CASZ1: variants seen among roughly 807,000 people sequenced by gnomAD.
The protein encoded by CASZ1 is zinc finger protein castor homolog 1.
In CASZ1, 28 loss-of-function variants were observed where a neutral mutation model predicts 135.2. The observed-to-expected ratio is 0.21, with a 90% CI of 0.15 to 0.28. The LOEUF is 0.28. Among genes scored for constraint, CASZ1 ranks in the 10% least tolerant of loss-of-function variants. CASZ1 has a pLI of 1.00. For synonymous variants in CASZ1, 1,068 were observed against 1,073.4 expected, an observed-to-expected ratio of 0.99 and a Z score of 0.10; for missense variants, 2,161 against 2,453.3, an observed-to-expected ratio of 0.88 and a Z score of 2.52.
In CASZ1 at chr1:10,649,244, C is replaced by T. The variant is rs375927589; in HGVS notation, c.3035+39G>A. On this transcript the variant is annotated intron_variant, in intron 14 of 20. Transcript: ENST00000377022. Reference sequence around the variant, plus strand: ...AGAGCCTGGGGCTCCAGGGCGGGTGCGGGGGGACGATGGGTGGACGCGGCC... The same window carrying T: ...AGAGCCTGGGGCTCCAGGGCGGGTGTGGGGGGACGATGGGTGGACGCGGCC... 1.5e-4 allele frequency: 246 copies of T among 1,607,344 alleles called. No homozygotes were observed. In the African/African-American group the frequency reaches 2.8e-3, roughly 18 times the overall value.
intron 1 of CASZ1, among the ~76,000 whole-genome samples, chr1:10,769,633 C>T (rs1407029187): frequency 1.3e-5 from 2 of 152,144 alleles, no homozygotes; most frequent in Admixed American, 6.5e-5. Context: ...TCTCCTGCCT[C>T]TGCCTCCCGA....
intron 2 of CASZ1, among the ~76,000 whole-genome samples, chr1:10,748,385 C>A (rs553004415): frequency 6.6e-6 from 1 of 152,322 alleles, no homozygotes; most frequent in South Asian, 2.1e-4. Context: ...AGGAGTGGGC[C>A]TAACAGTGAC....
rs77101808 is a variant in CASZ1 at position 10,769,464 on chromosome 1, T to A, written c.-233-8607A>T. Among the ~76,000 whole-genome samples, 810 of 152,326 alleles carry A rather than the reference T, an allele frequency of 5.3e-3. 10 individuals carry two copies. Among genetic ancestry groups the A allele is most frequent in the African/African-American group, 0.019 (784 of 41,554 alleles). ...CATCAGTGTAAAAAAGTTAAATGTC[T>A]ATTATCCCAAGATAGTGGGAATAGT... is the stretch of plus-strand genomic sequence containing the variant. On this transcript the variant is annotated intron_variant, in intron 1 of 20. Coordinates refer to ENST00000377022, the MANE Select transcript of CASZ1 (RefSeq NM_001079843.3).
At position 10,672,893 on chromosome 1, in the gene CASZ1, T is replaced by C. The variant is rs568117870; in HGVS notation, c.17-7322A>G. Among the ~76,000 whole-genome samples the C allele has an allele frequency of 1.1e-4, 16 of 152,354 alleles. No individual in the cohort carries two copies. The South Asian group carries it at 3.3e-3, about 32-fold the overall frequency. On this transcript the variant is annotated intron_variant, in intron 4 of 20. Coordinates refer to ENST00000377022, the MANE Select transcript of CASZ1 (RefSeq NM_001079843.3). ...CCACGTCCGCCTCCTTTGGCCTTAATATTTAATTTTGCGATTTGGGGCATT... is the reference window on the plus strand; with the variant it reads ...CCACGTCCGCCTCCTTTGGCCTTAACATTTAATTTTGCGATTTGGGGCATT...
intron 1 of CASZ1, among the ~76,000 whole-genome samples, chr1:10,761,555 G>A (rs1419780917): frequency 4.6e-5 from 7 of 152,128 alleles, no homozygotes; most frequent in African/African-American, 1.7e-4. Flanking sequence ...AAAAAAAAAA[G>A]TAGCCAAAGA....
chr1:10,786,863 AATG>A (rs935701899), intron 1 of CASZ1, among the ~76,000 whole-genome samples: 65 of 151,836 alleles, frequency 4.3e-4, no homozygotes, highest in African/African-American at 1.5e-3. Flanking sequence ...CCAAGTTCCC[AATG>A]ATAACAGAAC....
Position 10,701,378 on chromosome 1 carries a change from T to G in CASZ1, c.-24+4114A>C, listed in dbSNP as rs991973572. On this transcript the variant is annotated intron_variant, in intron 3 of 20. Coordinates refer to ENST00000377022, the MANE Select transcript of CASZ1 (RefSeq NM_001079843.3). This position sits in a 1 kb window ranked among gnomAD's most constrained non-coding sequence, Gnocchi z 6.3. ...AGTTACAGGGTTATTTAGCTTCTCC[T>G]GATGCTGACAATCACAAACTTTAAT... Among the ~76,000 whole-genome samples the G allele has an allele frequency of 6.6e-6, 1 of 152,220 alleles. No individual in the cohort carries two copies. The highest frequency in any genetic ancestry group is 1.5e-5 in the Non-Finnish European group (1 of 68,034).
intron 2 of CASZ1, among the ~76,000 whole-genome samples, chr1:10,743,865 G>GGA (rs987639632): frequency 2.0e-5 from 3 of 146,648 alleles, no homozygotes; most frequent in South Asian, 2.3e-4. Flanking sequence ...AGGGAGGGAG[G>GGA]GAGAGAGAGA....
intron 4 of CASZ1, among the ~76,000 whole-genome samples, chr1:10,671,708 C>T (rs1322491880): frequency 6.6e-6 from 1 of 152,214 alleles, no homozygotes; most frequent in African/African-American, 2.4e-5. Flanking sequence ...AGGCTGTAAG[C>T]TGTGGGCCAC....
At chr1:10,729,851 T>C (rs1240917550) in intron 2 of CASZ1, among the ~76,000 whole-genome samples, 1 of 152,220 alleles carries the variant, frequency 6.6e-6, no homozygotes, top group Non-Finnish European at 1.5e-5. Context: ...AGTCTCGCTC[T>C]GTCGCCCAGG....
At position 10,638,936 on chromosome 1, in the gene CASZ1, G is replaced by A. The variant is rs1252241417; in HGVS notation, c.*6C>T. The A allele has an allele frequency of 1.0e-6, 1 of 980,626 alleles. No individual in the cohort carries two copies. Among genetic ancestry groups the A allele is most frequent in the East Asian group, 1.1e-4 (1 of 8,708 alleles). The allele number at this position is 980,626 out of a possible 1,614,324, so 60.7% of individuals were successfully genotyped here. ...AGGCCGCCGCCAGGGCCACCCGCGG[G>A]CGCCGCTAGGGCGAGGAGGCTGCAG... On this transcript the variant is annotated 3_prime_UTR_variant, in exon 21 of 21. Transcript: ENST00000377022. This position sits in a 1 kb window ranked among gnomAD's most constrained non-coding sequence, Gnocchi z 5.9.
At chr1:10,691,559 G>A (rs1051932961) in intron 4 of CASZ1, among the ~76,000 whole-genome samples, 2 of 152,266 alleles carry the variant, frequency 1.3e-5, no homozygotes, top group African/African-American at 4.8e-5. Context: ...ATGTCAGAGA[G>A]GCCCTCGGCT....
chr1:10,786,751 C>G, intron 1 of CASZ1, among the ~76,000 whole-genome samples: 1 of 152,228 alleles, frequency 6.6e-6, no homozygotes, highest in Non-Finnish European at 1.5e-5. Context: ...TACAGCTCCT[C>G]AAATGAACCT....
intron 7 of CASZ1, 161 bp downstream of exon 7, chr1:10,658,347 G>C: frequency 1.6e-6 from 1 of 635,104 alleles, no homozygotes; most frequent in Non-Finnish European, 2.9e-6. Context: ...CGGGCGTGCA[G>C]GGCAGCCCTC....
rs369091806 is a variant in CASZ1 at position 10,665,409 on chromosome 1, T to C, written c.179A>G (p.Gln60Arg). 3.7e-6 allele frequency: 6 copies of C among 1,612,712 alleles called. No homozygotes were observed. In the African/African-American group the frequency reaches 4.0e-5, roughly 11 times the overall value. The change falls in exon 5 of 21, where the codon CAG becomes CGG. Residue 60 changes from glutamine (Q) to arginine (R), a missense_variant. Coordinates refer to ENST00000377022, the MANE Select transcript of CASZ1 (RefSeq NM_001079843.3). ...AGSHTEGSPS[Q>R]PRDQERSGPE... Reference sequence around the variant, plus strand: ...GCCACTGCGCTCTTGGTCCCGGGGCTGCGATGGGCTGCCCTCCGTGTGGGA... The same window carrying C: ...GCCACTGCGCTCTTGGTCCCGGGGCCGCGATGGGCTGCCCTCCGTGTGGGA...
rs748543194 is a variant in CASZ1, at chr1:10,792,326, CG to C, written c.-234+4237del. Among the ~76,000 whole-genome samples, 325 of 21,702 alleles carry C rather than the reference CG, an allele frequency of 0.015. 68 individuals carry two copies. In the East Asian group the frequency reaches 0.24, roughly 16 times the overall value. The allele number at this position is 21,702 out of a possible 152,430, so 14.2% of individuals were successfully genotyped here. On this transcript the variant is annotated intron_variant, in intron 1 of 20. Transcript: ENST00000377022. ...CTGTACATGGCTTACCCCTCCCCCC[CG>C]CCCCCCCCCCCCCGGCCCCGCACAC...
In CASZ1 at chr1:10,686,140, C is replaced by T. The variant is rs191597032; in HGVS notation, c.16+7734G>A. On this transcript the variant is annotated intron_variant, in intron 4 of 20. Coordinates refer to ENST00000377022, the MANE Select transcript of CASZ1 (RefSeq NM_001079843.3). ...CCCACCCAGCACGGGGGCCTGTGGGCGCCTGGCCGTCCTCTCCTCTCCTTA... is the reference window on the plus strand; with the variant it reads ...CCCACCCAGCACGGGGGCCTGTGGGTGCCTGGCCGTCCTCTCCTCTCCTTA... Among the ~76,000 whole-genome samples, 952 of 151,182 alleles carry T rather than the reference C, an allele frequency of 6.3e-3. 19 individuals carry two copies. The highest frequency in any genetic ancestry group is 3.9e-3 in the South Asian group (19 of 4,826).
intron 9 of CASZ1, 122 bp downstream of exon 9, chr1:10,655,527 G>A: frequency 1.1e-6 from 1 of 924,820 alleles, no homozygotes. Context: ...GGAAAGAGAG[G>A]CTCCTGATCA....
In CASZ1 at chr1:10,646,152, A is replaced by G. The variant is rs200062080; in HGVS notation, c.3672T>C (p.Ser1224=). The change falls in exon 17 of 21, where the codon TCT becomes TCC. Residue 1224 remains serine, a synonymous_variant. Coordinates refer to ENST00000377022, the MANE Select transcript of CASZ1 (RefSeq NM_001079843.3). This position sits in a 1 kb window ranked among gnomAD's most constrained non-coding sequence, Gnocchi z 6.4. ...CCTGGTTGGGACAGAGACACTGCAG[A>G]GAGTAGTATGCAAACTGGTCTCGCA... ...VNVRDQFAYY[S]LQCLCPNQHC... is the part of the protein sequence containing the mutation. 5.6e-4 allele frequency: 902 copies of G among 1,614,046 alleles called. 9 individuals are homozygous for G. The highest frequency in any genetic ancestry group is 1.7e-4 in the Non-Finnish European group (201 of 1,180,004).
Sources: gnomAD v4.1 joint callset for allele counts (sites outside exome capture counted in the v4.1 genomes callset) on GRCh38, gnomAD v4.1.1 for gene constraint, Gnocchi (gnomAD v3.1) non-coding constraint, MANE v1.5 for transcripts, NCBI Gene and HGNC (gene_info 2026-07-23, HGNC 2026-07-21) for gene names.